Variants in EZH2 observed in about 807,000 individuals in gnomAD.
The protein encoded by EZH2 is enhancer of zeste 2 polycomb repressive complex 2 subunit, also known as histone-lysine N-methyltransferase EZH2.
A neutral mutation model predicts 98.4 loss-of-function variants in EZH2; 18 were observed. The observed-to-expected ratio is 0.18, with a 90% CI of 0.13 to 0.27. The LOEUF (loss-of-function observed/expected upper bound fraction) is 0.27. Among genes scored for constraint, EZH2 ranks in the 10% least tolerant of loss-of-function variants. The pLI, the probability that EZH2 is intolerant of heterozygous loss-of-function variation, is 1.00. For missense variants in EZH2, 470 were observed against 935.1 expected (o/e 0.50, Z 6.49); for synonymous variants, 338 against 312.3 (o/e 1.08, Z -0.87).
intron 3 of EZH2, among the ~76,000 whole-genome samples, chr7:148,836,101 G>A (rs992531776): frequency 1.3e-5 from 2 of 152,196 alleles, no homozygotes; most frequent in African/African-American, 4.8e-5. Flanking sequence ...AAAAGCAGCT[G>A]AGCCAAGTGT....
intron 3 of EZH2, among the ~76,000 whole-genome samples, chr7:148,838,452 T>C (rs1811479534): frequency 6.6e-6 from 1 of 152,094 alleles, no homozygotes. Context: ...AAAACTCCAG[T>C]TTTGCTAAGT....
chr7:148,810,028 T>C (rs967440718), intron 17 of EZH2, among the ~76,000 whole-genome samples: 5 of 152,248 alleles, frequency 3.3e-5, no homozygotes, highest in Admixed American at 6.5e-5. Flanking sequence ...TGTGCTGAGC[T>C]GCCTGAACAC....
chr7:148,878,598 T>C (rs1820497924), intron 1 of EZH2, among the ~76,000 whole-genome samples: 1 of 152,234 alleles, frequency 6.6e-6, no homozygotes, highest in African/African-American at 2.4e-5. Context: ...AGGTGGTTCT[T>C]ACAAATATTA....
At chr7:148,838,063 CTTTTTTTTTT>C (rs35838307) in intron 3 of EZH2, among the ~76,000 whole-genome samples, 3 of 100,512 alleles carry the variant, frequency 3.0e-5, no homozygotes, top group Non-Finnish European at 5.6e-5. Flanking sequence ...GTTTAGACTC[CTTTTTTTTTT>C]TTTTTTTTTT....
intron 10 of EZH2, 84 bp from the exon 11 acceptor site, chr7:148,817,475 A>C (rs1804863329): frequency 7.1e-7 from 1 of 1,408,002 alleles, no homozygotes; most frequent in African/African-American, 1.4e-5. Context: ...TTAAGAAAAA[A>C]GCGAAAAGAT....
At chr7:148,831,563 A>G (rs891610456) in intron 4 of EZH2, among the ~76,000 whole-genome samples, 3 of 152,172 alleles carry the variant, frequency 2.0e-5, no homozygotes, top group Non-Finnish European at 1.5e-5. Flanking sequence ...GGTGATTCAT[A>G]AATTAATGAC....
chr7:148,826,204 G>A lies in EZH2; in HGVS notation c.907+250C>T, dbSNP rs147979085. 2.6e-3 allele frequency among the ~76,000 whole-genome samples: 398 copies of A among 150,366 alleles called. 3 individuals carry two copies. Among genetic ancestry groups the A allele is most frequent in the African/African-American group, 8.2e-3 (336 of 40,976 alleles). On this transcript the variant is annotated intron_variant, in intron 8 of 19. Transcript: ENST00000320356. Reference sequence around the variant, plus strand: ...AAACAACTGCTTAGTTAGCACTTACGGGGGAAAAAAAAAAAAATCACTGAC... The same window carrying A: ...AAACAACTGCTTAGTTAGCACTTACAGGGGAAAAAAAAAAAAATCACTGAC...
At chr7:148,817,599 T>C (rs1584935026) in intron 10 of EZH2, 3 of 661,814 alleles carry the variant, frequency 4.5e-6, no homozygotes, top group Non-Finnish European at 7.6e-6. Context: ...AATTTCATTA[T>C]TCCCTACCTG....
intron 13 of EZH2, 128 bp from the exon 14 acceptor site, chr7:148,815,167 A>C: frequency 1.7e-6 from 2 of 1,178,166 alleles, no homozygotes; most frequent in Non-Finnish European, 2.3e-6. Context: ...CTGAATGCAT[A>C]ACATTACACA....
At chr7:148,859,238 G>C (rs1348121263) in intron 1 of EZH2, among the ~76,000 whole-genome samples, 1 of 152,162 alleles carries the variant, frequency 6.6e-6, no homozygotes, top group Non-Finnish European at 1.5e-5. Context: ...AGGTGCAGTA[G>C]CTCATGCCTG....
chr7:148,826,425 C>A, intron 8 of EZH2, 29 bp downstream of exon 8: 1 of 1,502,898 alleles, frequency 6.7e-7, no homozygotes, highest in South Asian at 1.4e-5. Context: ...AACATAATTC[C>A]ACAACAAAGA....
intron 1 of EZH2, among the ~76,000 whole-genome samples, chr7:148,876,460 C>T (rs1299985697): frequency 1.3e-5 from 2 of 152,148 alleles, no homozygotes; most frequent in South Asian, 2.1e-4. Flanking sequence ...GTAAATTATA[C>T]TTCAATACAG....
At chr7:148,870,909 A>G (rs1434946022) in intron 1 of EZH2, among the ~76,000 whole-genome samples, 1 of 151,736 alleles carries the variant, frequency 6.6e-6, no homozygotes, top group East Asian at 1.9e-4. Context: ...AGCCTGGATG[A>G]CACAGCGAGA....
At chr7:148,823,652 C>CTT (rs548755331) in intron 8 of EZH2, among the ~76,000 whole-genome samples, 20 of 141,658 alleles carry the variant, frequency 1.4e-4, no homozygotes, top group East Asian at 1.0e-3. Context: ...CATTTTCATA[C>CTT]TTTTTTTTTT....
chr7:148,827,019 G>C, intron 7 of EZH2, 145 bp downstream of exon 7: 1 of 606,284 alleles, frequency 1.6e-6, no homozygotes, highest in Non-Finnish European at 2.9e-6. Flanking sequence ...AGTACCACAA[G>C]TACACATGTT....
At chr7:148,873,491 CAAA>C (rs1162280467) in intron 1 of EZH2, among the ~76,000 whole-genome samples, 2 of 58,522 alleles carry the variant, frequency 3.4e-5, no homozygotes, top group East Asian at 5.7e-4. Flanking sequence ...GACTCTGTCT[CAAA>C]AAAAAAAAAA....
At chr7:148,877,740 T>A (rs928308330) in intron 1 of EZH2, among the ~76,000 whole-genome samples, 1 of 152,348 alleles carries the variant, frequency 6.6e-6, no homozygotes, top group East Asian at 1.9e-4. Context: ...ATCCTCAAAG[T>A]TAACCTTTAG....
intron 3 of EZH2, among the ~76,000 whole-genome samples, chr7:148,842,459 T>C (rs1305565539): frequency 2.0e-5 from 3 of 152,232 alleles, no homozygotes; most frequent in Admixed American, 2.0e-4. Context: ...TAGTTATTAC[T>C]GGTTGACAAG....
At chr7:148,861,802 TTA>T (rs1563056278) in intron 1 of EZH2, among the ~76,000 whole-genome samples, 2 of 69,224 alleles carry the variant, frequency 2.9e-5, no homozygotes, top group African/African-American at 8.0e-5. Flanking sequence ...CTTCTTTTAT[TTA>T]AAAAAAAAAA....
Sources: allele counts gnomAD v4.1 joint callset (sites outside exome capture counted in the v4.1 genomes callset), GRCh38; gene constraint gnomAD v4.1.1; transcripts MANE v1.5; gene names NCBI Gene and HGNC (gene_info 2026-07-23, HGNC 2026-07-21).